Variants in OSCP1 observed in about 807,000 individuals in gnomAD.
OSCP1 encodes protein OSCP1.
Under a neutral mutation model 45.1 loss-of-function variants are expected in OSCP1, and 35 were observed. The ratio of observed to expected loss-of-function variants is 0.78; its 90% CI spans 0.59 to 1.03. The LOEUF is 1.03. Among genes scored for constraint, OSCP1 ranks in the 50% least tolerant of loss-of-function variants. OSCP1 has a pLI of 0.00. For missense variants in OSCP1, 400 were observed against 470.7 expected (o/e 0.85, Z 1.39); for synonymous variants, 179 against 180.1 (o/e 0.99, Z 0.05).
chr1:36,442,252 C>T (rs1406078829), intron 1 of OSCP1, among the ~76,000 whole-genome samples: 1 of 148,330 alleles, frequency 6.7e-6, no homozygotes, highest in African/African-American at 2.5e-5. Flanking sequence ...GAGGCTAAGG[C>T]AGGGGAGGGA....
chr1:36,443,650 G>A lies in OSCP1; in HGVS notation c.113-4740C>T, dbSNP rs544717514. ...TTGAAGCACAATTCTTTGGTTACAT[G>A]ACAAAACAAAGTTGTTTTAAGGACT... On this transcript the variant is annotated intron_variant, in intron 1 of 9. Coordinates refer to ENST00000235532, the MANE Select transcript of OSCP1 (RefSeq NM_145047.5). 2.4e-4 allele frequency among the ~76,000 whole-genome samples: 37 copies of A among 152,146 alleles called. 1 individual carries two copies. Among genetic ancestry groups the A allele is most frequent in the Non-Finnish European group, 4.3e-4 (29 of 68,032 alleles).
chr1:36,431,979 T>C (rs935409403), intron 3 of OSCP1, 97 bp from the exon 4 acceptor site: 38 of 1,118,536 alleles, frequency 3.4e-5, no homozygotes, highest in Non-Finnish European at 4.3e-5. Flanking sequence ...GGGAGCCAGA[T>C]AGGTAAGGAG....
intron 4 of OSCP1, among the ~76,000 whole-genome samples, chr1:36,430,622 G>T (rs1022683357): frequency 1.3e-5 from 2 of 152,008 alleles, no homozygotes; most frequent in Admixed American, 1.3e-4. Context: ...AGGAAAAGAG[G>T]GTGTAGATAT....
chr1:36,427,524 G>A (rs531353837), intron 4 of OSCP1, among the ~76,000 whole-genome samples: 4 of 151,232 alleles, frequency 2.6e-5, no homozygotes, highest in Admixed American at 6.6e-5. Flanking sequence ...TCACCATGTT[G>A]GCCAGGATGG....
Position 36,423,438 on chromosome 1 carries a change from T to C in OSCP1, c.545A>G (p.Gln182Arg), listed in dbSNP as rs1311646423. ...CAACACAAAGCGACCGTTATTATTC[T>C]GAACTTTGTCCTTTAGAAACATGGA... ...RVSMFLKDKV[Q>R]NNNGRFVLPV... The change falls in exon 5 of 10, where the codon CAG becomes CGG. Residue 182 changes from glutamine to arginine, a missense_variant. Gln to Arg is a conservative substitution (Grantham distance 43). Transcript: ENST00000235532. 2 of 1,612,410 alleles carry C rather than the reference T, an allele frequency of 1.2e-6. No homozygotes were observed. Among genetic ancestry groups the C allele is most frequent in the Non-Finnish European group, 1.7e-6 (2 of 1,179,354 alleles).
chr1:36,441,886 T>C (rs1375364796), intron 1 of OSCP1, among the ~76,000 whole-genome samples: 2 of 151,832 alleles, frequency 1.3e-5, no homozygotes, highest in Non-Finnish European at 2.9e-5. Flanking sequence ...GAGTTCTGCA[T>C]ACTTTTCACG....
chr1:36,446,887 G>T (rs1241403385), intron 1 of OSCP1, among the ~76,000 whole-genome samples: 1 of 152,062 alleles, frequency 6.6e-6, no homozygotes, highest in African/African-American at 2.4e-5. Flanking sequence ...TATTATTCTC[G>T]CCATTGCTTT....
intron 8 of OSCP1, among the ~76,000 whole-genome samples, chr1:36,419,916 G>A (rs969179560): frequency 1.3e-5 from 2 of 151,768 alleles, no homozygotes; most frequent in Admixed American, 6.6e-5. Context: ...GGGCTCAGAC[G>A]ATCCTTCTGC....
intron 2 of OSCP1, among the ~76,000 whole-genome samples, chr1:36,433,558 C>G (rs1375452045): frequency 1.3e-5 from 2 of 152,110 alleles, no homozygotes; most frequent in South Asian, 4.1e-4. Context: ...TGCTGACTAC[C>G]TGACTGATGG....
chr1:36,438,351 G>A (rs984002551), intron 2 of OSCP1, among the ~76,000 whole-genome samples: 1 of 148,946 alleles, frequency 6.7e-6, no homozygotes, highest in African/African-American at 2.5e-5. Context: ...ATTAGCCAGT[G>A]TGATGGCATG....
chr1:36,438,498 A>G (rs1046653821), intron 2 of OSCP1, among the ~76,000 whole-genome samples: 1 of 152,098 alleles, frequency 6.6e-6, no homozygotes, highest in Non-Finnish European at 1.5e-5. Context: ...TCAAAAACAA[A>G]AAAACACCCA....
chr1:36,432,357 G>T, intron 3 of OSCP1, 65 bp downstream of exon 3: 1 of 1,553,738 alleles, frequency 6.4e-7, no homozygotes, highest in South Asian at 1.2e-5. Flanking sequence ...AGATCTACCT[G>T]TTCTTAACAG....
Position 36,417,943 on chromosome 1 carries a change from T to G in OSCP1, c.*196A>C, listed in dbSNP as rs1647372157. Reference sequence around the variant, plus strand: ...GTCAGAATATATTTCACTGAAAATATGTGTATGTGTGTGCCTTCAAGAGTG... The same window carrying G: ...GTCAGAATATATTTCACTGAAAATAGGTGTATGTGTGTGCCTTCAAGAGTG... On this transcript the variant is annotated 3_prime_UTR_variant, in exon 10 of 10. Transcript: ENST00000235532. 2.1e-6 allele frequency: 1 copy of G among 477,576 alleles called. No homozygotes were observed. Among genetic ancestry groups the G allele is most frequent in the East Asian group, 3.4e-5 (1 of 29,186 alleles). 29.6% of individuals were successfully genotyped at this position (477,576 alleles called of 1,614,324 possible). A position where few individuals can be genotyped will look rare whatever the true frequency, so the allele number is the denominator to read the frequency against.
intron 8 of OSCP1, 106 bp from the exon 9 acceptor site, chr1:36,419,160 T>C: frequency 1.0e-6 from 1 of 983,584 alleles, no homozygotes. Flanking sequence ...CTGCCTCATC[T>C]GCCATTTCTC....
chr1:36,428,429 T>A lies in OSCP1; in HGVS notation c.516+3373A>T. 3 of 1,614,136 alleles carry A rather than the reference T, an allele frequency of 1.9e-6. No individual in the cohort carries two copies. The Middle Eastern group carries it at 4.9e-4, about 266-fold the overall frequency. The stretch of plus-strand genomic sequence containing the variant: ...GTTCCCCACTCCTGGAAGGCAACAC[T>A]GTGCACTGTGAACAGTTTCTTGCAT... On this transcript the variant is annotated intron_variant, in intron 4 of 9. Transcript: ENST00000235532.
At chr1:36,436,460 T>G (rs1386314077) in intron 2 of OSCP1, among the ~76,000 whole-genome samples, 2 of 152,016 alleles carry the variant, frequency 1.3e-5, no homozygotes, top group Non-Finnish European at 2.9e-5. Context: ...AGGCTGGTCT[T>G]GAACTCCTGG....
chr1:36,433,969 G>A (rs1362808294), intron 2 of OSCP1, among the ~76,000 whole-genome samples: 1 of 152,206 alleles, frequency 6.6e-6, no homozygotes, highest in Non-Finnish European at 1.5e-5. Flanking sequence ...AAGATCACGC[G>A]ATATTTAGAA....
intron 2 of OSCP1, among the ~76,000 whole-genome samples, chr1:36,437,072 T>C (rs1472449874): frequency 1.3e-5 from 2 of 152,070 alleles, no homozygotes; most frequent in Non-Finnish European, 2.9e-5. Flanking sequence ...GACCATCCGG[T>C]TGGGGTAGTT....
At chr1:36,437,863 A>G (rs1290360926) in intron 2 of OSCP1, among the ~76,000 whole-genome samples, 2 of 152,134 alleles carry the variant, frequency 1.3e-5, no homozygotes, top group African/African-American at 4.8e-5. Context: ...CCTGGGGTTC[A>G]TAAATATGGG....
Sources: allele counts gnomAD v4.1 joint callset (sites outside exome capture counted in the v4.1 genomes callset), GRCh38; gene constraint gnomAD v4.1.1; transcripts MANE v1.5; gene names NCBI Gene and HGNC (gene_info 2026-07-23, HGNC 2026-07-21).